The following PCDHGA3 variants were observed in gnomAD, a reference collection of about 807,000 sequenced individuals.
PCDHGA3 encodes the protein protocadherin gamma subfamily A, 3, also known as protocadherin gamma-A3.
Under a neutral mutation model 58.5 loss-of-function variants are expected in PCDHGA3, and 40 were observed. The observed-to-expected ratio is 0.68, with a 90% CI of 0.53 to 0.89. The LOEUF is 0.89. Among genes scored for constraint, PCDHGA3 ranks in the 40% least tolerant of loss-of-function variants. PCDHGA3 has a pLI of 0.00. For synonymous variants in PCDHGA3, 530 were observed against 525.7 expected (o/e 1.01, Z -0.11); for missense variants, 1,223 against 1,195.9 (o/e 1.02, Z -0.33).
chr5:141,414,087 A>G (rs377653676), intron 1 of PCDHGA3: 31 of 1,599,656 alleles, frequency 1.9e-5, no homozygotes, highest in Middle Eastern at 3.3e-4. Context: ...ATACTGGAGA[A>G]ATAAAAATAT....
rs1387036035 is a variant in PCDHGA3, at chr5:141,432,158, A to G, written c.2425-62649A>G. ...CGCTTATATCCCAGAGAACAATCCC[A>G]GAGGAGTTTCCCTCGTCTCTGTGAC... is the stretch of plus-strand genomic sequence containing the variant. On this transcript the variant is annotated intron_variant, in intron 1 of 3. Coordinates refer to ENST00000253812, the MANE Select transcript of PCDHGA3 (RefSeq NM_018916.4). The surrounding 1 kb of genome is among the most constrained non-coding windows in gnomAD (Gnocchi z 6.0). The G allele has an allele frequency of 6.2e-7, 1 of 1,613,932 alleles. No individual in the cohort carries two copies. Among genetic ancestry groups the G allele is most frequent in the Non-Finnish European group, 8.5e-7 (1 of 1,180,002 alleles).
intron 2 of PCDHGA3, among the ~76,000 whole-genome samples, chr5:141,496,186 G>A (rs879940448): frequency 2.0e-5 from 3 of 152,018 alleles, no homozygotes; most frequent in Non-Finnish European, 4.4e-5. Flanking sequence ...AGCAGCCCCA[G>A]CTGCTCATTT....
chr5:141,500,574 G>A (rs2099801457), intron 2 of PCDHGA3, among the ~76,000 whole-genome samples: 1 of 152,164 alleles, frequency 6.6e-6, no homozygotes, highest in African/African-American at 2.4e-5. Context: ...ACACTTTCAT[G>A]TGACACTTTA....
intron 1 of PCDHGA3, chr5:141,420,193 A>G: frequency 6.2e-7 from 1 of 1,613,766 alleles, no homozygotes; most frequent in South Asian, 1.1e-5. Context: ...CAGCCACACA[A>G]GATAACCTCA....
At chr5:141,455,583 A>G (rs1485134189) in intron 1 of PCDHGA3, among the ~76,000 whole-genome samples, 4 of 152,144 alleles carry the variant, frequency 2.6e-5, no homozygotes, top group Non-Finnish European at 2.9e-5. Context: ...CCAGCCTTTT[A>G]ATATGCAAAC....
In PCDHGA3 at chr5:141,487,906, AGCACAGGAGGCTACAGT is replaced by A. The variant is rs2099668744; in HGVS notation, c.2425-6893_2425-6877del. ...TGGAAGCATGATGATGGAATGTGGG[AGCACAGGAGGCTACAGT>A]GCACAGGGTACAGTGCACCAGGCAG... On this transcript the variant is annotated intron_variant, in intron 1 of 3. Coordinates refer to ENST00000253812, the MANE Select transcript of PCDHGA3 (RefSeq NM_018916.4). The surrounding 1 kb of genome is among the most constrained non-coding windows in gnomAD (Gnocchi z 5.0). The A allele has an allele frequency of 8.7e-6, 6 of 686,524 alleles. No homozygotes were observed. The East Asian group carries it at 1.6e-4, about 19-fold the overall frequency. The allele number at this position is 686,524 out of a possible 1,614,324, so 42.5% of individuals were successfully genotyped here.
chr5:141,491,243 ATGAGGACCC>A lies in PCDHGA3; in HGVS notation c.2425-3557_2425-3549del. 1 of 1,614,200 alleles carries A rather than the reference ATGAGGACCC, an allele frequency of 6.2e-7. No individual in the cohort carries two copies. Among genetic ancestry groups the A allele is most frequent in the African/African-American group, 1.3e-5 (1 of 75,056 alleles). ...GCCACAGTGCTGCTGGTTCTGGAGG[ATGAGGACCC>A]TGAGGAAATGCCCAAATCCAGTGAC... On this transcript the variant is annotated intron_variant, in intron 1 of 3. Coordinates refer to ENST00000253812, the MANE Select transcript of PCDHGA3 (RefSeq NM_018916.4). This position sits in a 1 kb window ranked among gnomAD's most constrained non-coding sequence, Gnocchi z 6.9.
chr5:141,473,930 G>T (rs966856411), intron 1 of PCDHGA3, among the ~76,000 whole-genome samples: 3 of 152,156 alleles, frequency 2.0e-5, no homozygotes, highest in Admixed American at 6.5e-5. Flanking sequence ...TGAGCTGGGT[G>T]CAGTAGCTCA....
intron 1 of PCDHGA3, chr5:141,423,956 A>G: frequency 1.7e-6 from 2 of 1,182,724 alleles, no homozygotes; most frequent in Non-Finnish European, 2.1e-6. Flanking sequence ...TTTTAGTATT[A>G]TTTTTCTATT....
chr5:141,397,039 A>G (rs2093467837), intron 1 of PCDHGA3, among the ~76,000 whole-genome samples: 1 of 152,236 alleles, frequency 6.6e-6, no homozygotes, highest in Non-Finnish European at 1.5e-5. Context: ...CCACAAATTT[A>G]TGTAAATGAA....
intron 1 of PCDHGA3, chr5:141,371,837 G>A: frequency 6.2e-7 from 1 of 1,613,710 alleles, no homozygotes; most frequent in South Asian, 1.1e-5. Context: ...ATCCCGACTT[G>A]GGACCTAATG....
chr5:141,468,983 AATT>A (rs958294955), intron 1 of PCDHGA3, among the ~76,000 whole-genome samples: 5 of 148,376 alleles, frequency 3.4e-5, no homozygotes, highest in Admixed American at 6.8e-5. Context: ...TGACTTCCAA[AATT>A]ATTGTTTTTG....
At position 141,399,013 on chromosome 5, in the gene PCDHGA3, G is replaced by A. The variant is rs145783835; in HGVS notation, c.2424+52556G>A. 9.5e-3 allele frequency: 15,345 copies of A among 1,613,900 alleles called. 158 individuals are homozygous for A. Among genetic ancestry groups the A allele is most frequent in the South Asian group, 0.02 (1,850 of 91,076 alleles). On this transcript the variant is annotated intron_variant, in intron 1 of 3. Coordinates refer to ENST00000253812, the MANE Select transcript of PCDHGA3 (RefSeq NM_018916.4). ...CTTTAGTCTGAATTCAAAGAGCGGA[G>A]AAATTACCACTCAAAAGAAACTGGA...
intron 1 of PCDHGA3, among the ~76,000 whole-genome samples, chr5:141,382,084 C>A (rs1777939232): frequency 6.6e-6 from 1 of 152,102 alleles, no homozygotes; most frequent in South Asian, 2.1e-4. Flanking sequence ...CCGCCTCGGC[C>A]TCACAAAGTG....
chr5:141,385,041 C>T, intron 1 of PCDHGA3: 1 of 1,614,174 alleles, frequency 6.2e-7, no homozygotes, highest in Non-Finnish European at 8.5e-7. Flanking sequence ...TGCTGGCGCT[C>T]AGGCTGCGGC....
At chr5:141,371,887 C>T (rs372336757) in intron 1 of PCDHGA3, 2 of 1,613,424 alleles carry the variant, frequency 1.2e-6, no homozygotes, top group African/African-American at 1.3e-5. Flanking sequence ...GACCTGGAGC[C>T]GCGGGAGCTG....
chr5:141,356,115 G>T (rs766964072), intron 1 of PCDHGA3: 3 of 1,613,880 alleles, frequency 1.9e-6, no homozygotes, highest in South Asian at 2.2e-5. Context: ...CAATATTGGG[G>T]GGTCTAGATT....
Position 141,372,655 on chromosome 5 carries a change from C to T in PCDHGA3, c.2424+26198C>T, listed in dbSNP as rs1424749894. 2.5e-6 allele frequency: 4 copies of T among 1,613,986 alleles called. No homozygotes were observed. The South Asian group carries it at 3.3e-5, about 13-fold the overall frequency. ...AGGACTTTGCCTTATTCCTACAATC[C>T]GTGTGCTGCCTCACATTCCTCAAAC... On this transcript the variant is annotated intron_variant, in intron 1 of 3. Coordinates refer to ENST00000253812, the MANE Select transcript of PCDHGA3 (RefSeq NM_018916.4).
Position 141,373,903 on chromosome 5 carries a change from CCAA to C in PCDHGA3, c.2424+27453_2424+27455del, listed in dbSNP as rs1423150628. 3 of 586,252 alleles carry C rather than the reference CCAA, an allele frequency of 5.1e-6. No individual in the cohort carries two copies. In the African/African-American group the frequency reaches 5.7e-5, roughly 11 times the overall value. 36.3% of individuals were successfully genotyped at this position (586,252 alleles called of 1,614,324 possible). The stretch of plus-strand genomic sequence containing the variant: ...TCAACGGAAACTCAAGTTACATCCT[CCAA>C]CAACAAAGCAAATTAGACGGGAAAG... On this transcript the variant is annotated intron_variant, in intron 1 of 3. Coordinates refer to ENST00000253812, the MANE Select transcript of PCDHGA3 (RefSeq NM_018916.4).
Sources: allele counts gnomAD v4.1 joint callset (sites outside exome capture counted in the v4.1 genomes callset), GRCh38; gene constraint gnomAD v4.1.1; non-coding constraint Gnocchi (gnomAD v3.1); transcripts MANE v1.5; gene names NCBI Gene and HGNC (gene_info 2026-07-23, HGNC 2026-07-21).